GBP5: variants seen among roughly 807,000 people sequenced by gnomAD.
GBP5 encodes the protein guanylate binding protein 5.
A neutral mutation model predicts 58.2 loss-of-function variants in GBP5; 48 were observed. The observed-to-expected ratio is 0.83, with a 90% CI of 0.65 to 1.05. GBP5 has a LOEUF of 1.05. GBP5 is among the 50% of genes least tolerant of loss of function. The pLI is 0.00. For missense variants in GBP5, 714 were observed against 686.8 expected, an observed-to-expected ratio of 1.04 and a Z score of -0.44; for synonymous variants, 248 against 251.8, an observed-to-expected ratio of 0.98 and a Z score of 0.14.
At position 89,259,478 on chromosome 1, in the gene GBP5, T is replaced by C. The variant is rs1046506184; in HGVS notation, c.*1226A>G. 2.0e-5 allele frequency: 3 copies of C among 152,238 alleles called. No individual in the cohort carries two copies. Among genetic ancestry groups the C allele is most frequent in the Non-Finnish European group, 4.4e-5 (3 of 68,066 alleles). 9.4% of individuals were successfully genotyped at this position (152,238 alleles called of 1,614,324 possible). A position where few individuals can be genotyped will look rare whatever the true frequency, so the allele number is the denominator to read the frequency against. On this transcript the variant is annotated 3_prime_UTR_variant, in exon 12 of 12. Coordinates refer to ENST00000370459, the MANE Select transcript of GBP5 (RefSeq NM_052942.5). ...CCTCCACCCAGTTGAAAGCTGCACA[T>C]TGTTTCCACTTTACCATTGGTACTT...
intron 3 of GBP5, 101 bp from the exon 4 acceptor site, chr1:89,268,957 T>C (rs1009311740): frequency 1.7e-6 from 2 of 1,154,196 alleles, no homozygotes; most frequent in South Asian, 1.4e-5. Flanking sequence ...GATGAGGAGA[T>C]AGCAGAATGT....
intron 1 of GBP5, chr1:89,271,867 G>A (rs971567066): frequency 2.0e-5 from 3 of 152,190 alleles, no homozygotes; most frequent in Non-Finnish European, 4.4e-5. Context: ...CACAAAAGGG[G>A]TTAGTTAAGT....
rs1293690539 is a variant in GBP5, at chr1:89,257,637, T to A, written c.*3067A>T. On this transcript the variant is annotated 3_prime_UTR_variant, in exon 12 of 12. Transcript: ENST00000370459. Reference sequence around the variant, plus strand: ...AATAACAATTGCCATAAAACAATACTAAATGTTTATAAGGTTTTTATGAGC... The same window carrying A: ...AATAACAATTGCCATAAAACAATACAAAATGTTTATAAGGTTTTTATGAGC... 3.9e-5 allele frequency among the ~76,000 whole-genome samples: 6 copies of A among 152,218 alleles called. No homozygotes were observed. Among genetic ancestry groups the A allele is most frequent in the Non-Finnish European group, 8.8e-5 (6 of 68,024 alleles).
Position 89,267,523 on chromosome 1 carries a change from C to T in GBP5, c.322G>A (p.Asp108Asn), listed in dbSNP as rs758404296. 2 of 1,611,312 alleles carry T rather than the reference C, an allele frequency of 1.2e-6. No individual in the cohort carries two copies. The highest frequency in any genetic ancestry group is 3.3e-5 in the Admixed American group (2 of 60,010). ...AAGATCTGGATATCATTCTTGTTGTCAGCCTAGAAGTCAGACCAAATTTAA... is the reference window on the plus strand; with the variant it reads ...AAGATCTGGATATCATTCTTGTTGTTAGCCTAGAAGTCAGACCAAATTTAA... ...TEGLGDVEKADNKNDIQIFAL... is the reference protein window; with the variant it reads ...TEGLGDVEKANNKNDIQIFAL... Residue 108 changes from aspartate to asparagine, a missense_variant, in exon 5 of 12, where the codon GAC becomes AAC. Asp to Asn is a conservative substitution (Grantham distance 23). Coordinates refer to ENST00000370459, the MANE Select transcript of GBP5 (RefSeq NM_052942.5).
chr1:89,262,613 G>A (rs1570410368), intron 10 of GBP5, 70 bp downstream of exon 10: 1 of 1,148,342 alleles, frequency 8.7e-7, no homozygotes, highest in East Asian at 2.5e-5. Context: ...CATCCCATGA[G>A]GGCCAGGCCA....
Position 89,259,272 on chromosome 1 carries a change from A to G in GBP5, c.*1432T>C, listed in dbSNP as rs1649901656. 1 of 152,228 alleles carries G rather than the reference A, an allele frequency of 6.6e-6. No individual in the cohort carries two copies. 9.4% of individuals were successfully genotyped at this position (152,228 alleles called of 1,614,324 possible). Reference sequence around the variant, plus strand: ...GTGCTCTTGGTGAGGGTGAACAGAAAAGAAAAGGCTTCTTCTTTAGCCCTT... The same window carrying G: ...GTGCTCTTGGTGAGGGTGAACAGAAGAGAAAAGGCTTCTTCTTTAGCCCTT... On this transcript the variant is annotated 3_prime_UTR_variant, in exon 12 of 12. Transcript: ENST00000370459.
Position 89,262,077 on chromosome 1 carries a change from G to A in GBP5, c.1647+143C>T, listed in dbSNP as rs149778312. The A allele has an allele frequency of 8.7e-5, 64 of 735,762 alleles. No individual in the cohort carries two copies. The East Asian group carries it at 1.4e-3, about 16-fold the overall frequency. 45.6% of individuals were successfully genotyped at this position (735,762 alleles called of 1,614,324 possible). ...TGCCTAAACCATATACTTACTAAGA[G>A]GTGGAGCTTGGATTCATACCCAGAC... On this transcript the variant is annotated intron_variant, in intron 11 of 11. Coordinates refer to ENST00000370459, the MANE Select transcript of GBP5 (RefSeq NM_052942.5).
At chr1:89,269,229 A>G in intron 3 of GBP5, 137 bp downstream of exon 3, 1 of 850,942 alleles carries the variant, frequency 1.2e-6, no homozygotes, top group Non-Finnish European at 1.8e-6. Flanking sequence ...TCCAAAAGAT[A>G]AAAAGACCAG....
chr1:89,270,740 A>G lies in GBP5; in HGVS notation c.-20+15T>C, dbSNP rs1345042990. 6.6e-6 allele frequency: 1 copy of G among 152,230 alleles called. No homozygotes were observed. The highest frequency in any genetic ancestry group is 6.5e-5 in the Admixed American group (1 of 15,286). The allele number at this position is 152,230 out of a possible 1,614,324, so 9.4% of individuals were successfully genotyped here. Reference sequence around the variant, plus strand: ...CTCTTCTCATTCTAATCTATTTTCAATGTAGTATTAGTACCTTATATATGT... The same window carrying G: ...CTCTTCTCATTCTAATCTATTTTCAGTGTAGTATTAGTACCTTATATATGT... On this transcript the variant is annotated intron_variant, in intron 2 of 11. Coordinates refer to ENST00000370459, the MANE Select transcript of GBP5 (RefSeq NM_052942.5).
Position 89,260,456 on chromosome 1 carries a change from G to A in GBP5, c.*248C>T, listed in dbSNP as rs1170148904. 1 of 335,240 alleles carries A rather than the reference G, an allele frequency of 3.0e-6. No homozygotes were observed. Among genetic ancestry groups the A allele is most frequent in the Non-Finnish European group, 5.5e-6 (1 of 181,492 alleles). 20.8% of individuals were successfully genotyped at this position (335,240 alleles called of 1,614,324 possible). A position where few individuals can be genotyped will look rare whatever the true frequency, so the allele number is the denominator to read the frequency against. ...ATCCCAATATCACGCATAAATGAAG[G>A]CAGTGATACAATGTCCCTTATACAA... On this transcript the variant is annotated 3_prime_UTR_variant, in exon 12 of 12. Transcript: ENST00000370459.
intron 7 of GBP5, 133 bp downstream of exon 7, chr1:89,266,213 T>C: frequency 1.3e-6 from 1 of 741,454 alleles, no homozygotes; most frequent in Non-Finnish European, 2.2e-6. Context: ...ACTTAATAAA[T>C]ATGATACATA....
intron 7 of GBP5, 29 bp downstream of exon 7, chr1:89,266,317 T>C: frequency 6.3e-7 from 1 of 1,591,746 alleles, no homozygotes; most frequent in South Asian, 1.1e-5. Context: ...TACATTAAAT[T>C]GAAGGAAAAT....
At chr1:89,267,880 T>C (rs1650289993) in intron 4 of GBP5, among the ~76,000 whole-genome samples, 3 of 152,206 alleles carry the variant, frequency 2.0e-5, no homozygotes, top group South Asian at 2.1e-4. Flanking sequence ...AATGATCTTA[T>C]CGAATTCTAA....
chr1:89,264,345 C>T (rs1364315754), intron 8 of GBP5, among the ~76,000 whole-genome samples: 4 of 152,104 alleles, frequency 2.6e-5, no homozygotes, highest in East Asian at 1.9e-4. Flanking sequence ...ATCCTGGATA[C>T]ATCATATTTT....
intron 4 of GBP5, 58 bp downstream of exon 4, chr1:89,268,671 C>T: frequency 6.3e-7 from 1 of 1,576,950 alleles, no homozygotes; most frequent in Non-Finnish European, 8.7e-7. Flanking sequence ...AACCTAAAAT[C>T]TCCCTGTGAA....
chr1:89,262,226 CTGT>C lies in GBP5; in HGVS notation c.1638_1640del (p.Gln547del), dbSNP rs1402112980. The C allele has an allele frequency of 6.2e-7, 1 of 1,614,084 alleles. No individual in the cohort carries two copies. Among genetic ancestry groups the C allele is most frequent in the Non-Finnish European group, 8.5e-7 (1 of 1,179,950 alleles). On this transcript the variant is annotated inframe_deletion, in exon 11 of 12. Transcript: ENST00000370459. ...TGAAACAATTGATGAATACCTGCAT[CTGT>C]TGTTCCTGCATTTTCTGTTGCTCTG...
At chr1:89,261,787 A>G (rs1317414674) in intron 11 of GBP5, among the ~76,000 whole-genome samples, 1 of 152,226 alleles carries the variant, frequency 6.6e-6, no homozygotes, top group Non-Finnish European at 1.5e-5. Context: ...TAGACACAGT[A>G]ACATGAAATC....
At chr1:89,270,102 T>C (rs1650384634) in intron 2 of GBP5, 1 of 152,230 alleles carries the variant, frequency 6.6e-6, no homozygotes, top group Non-Finnish European at 1.5e-5. Context: ...TTCTTAGTGA[T>C]ATACTTGAAA....
intron 11 of GBP5, among the ~76,000 whole-genome samples, chr1:89,261,352 T>C (rs1407198136): frequency 1.3e-5 from 2 of 152,208 alleles, no homozygotes; most frequent in Non-Finnish European, 2.9e-5. Context: ...GAGTAACTTC[T>C]GAAAAACTAG....
Sources: gnomAD v4.1 joint callset for allele counts (sites outside exome capture counted in the v4.1 genomes callset) on GRCh38, gnomAD v4.1.1 for gene constraint, MANE v1.5 for transcripts, NCBI Gene and HGNC (gene_info 2026-07-23, HGNC 2026-07-21) for gene names.